SLC5A11: variants seen among roughly 807,000 people sequenced by gnomAD.
The protein encoded by SLC5A11 is sodium/myo-inositol cotransporter 2.
Under a neutral mutation model 69.8 loss-of-function variants are expected in SLC5A11, and 48 were observed. The ratio of observed to expected loss-of-function variants is 0.69; its 90% CI spans 0.55 to 0.87. The LOEUF (loss-of-function observed/expected upper bound fraction) is 0.87, where lower values mean the gene tolerates loss of function less well. SLC5A11 is among the 40% of genes least tolerant of loss of function. The pLI is 0.00. For missense variants in SLC5A11, 784 were observed against 866.1 expected (o/e 0.91, Z 1.19); for synonymous variants, 319 against 342.4 (o/e 0.93, Z 0.75).
intron 10 of SLC5A11, among the ~76,000 whole-genome samples, chr16:24,905,367 C>T (rs1265681409): frequency 6.6e-6 from 1 of 151,024 alleles, no homozygotes; most frequent in Non-Finnish European, 1.5e-5. Flanking sequence ...TCGCTTGAAC[C>T]TGGAAGAGGA....
At position 24,909,368 on chromosome 16, in the gene SLC5A11, G is replaced by A. The variant is rs115262310; in HGVS notation, c.1650+272G>A. ...TTAAGTAAACATAAGGCTGGGGTGC[G>A]GTGGCTCATGCCTGTAATCCCAGCA... On this transcript the variant is annotated intron_variant, in intron 14 of 15. Transcript: ENST00000347898. 4.3e-3 allele frequency among the ~76,000 whole-genome samples: 653 copies of A among 152,170 alleles called. 5 individuals carry two copies. The highest frequency in any genetic ancestry group is 0.014 in the African/African-American group (594 of 41,496).
chr16:24,905,640 G>GCGCGCACACA (rs1443035551), intron 10 of SLC5A11, among the ~76,000 whole-genome samples: 47 of 136,780 alleles, frequency 3.4e-4, no homozygotes, highest in African/African-American at 1.2e-3. Context: ...GCGCGCGCGC[G>GCGCGCACACA]CACACACACA....
exon 4 of SLC5A11, chr16:24,869,952 C>A (rs751499749): frequency 6.2e-7 from 1 of 1,614,172 alleles, no homozygotes; most frequent in Non-Finnish European, 8.5e-7. Context: ...TTTCATTGGC[C>A]TGGCAGGGTC....
chr16:24,906,040 T>A (rs1381500217), intron 10 of SLC5A11, among the ~76,000 whole-genome samples: 1 of 152,170 alleles, frequency 6.6e-6, no homozygotes, highest in African/African-American at 2.4e-5. Context: ...GACAAGAGAA[T>A]CTACGTATAG....
intron 3 of SLC5A11, 120 bp downstream of exon 4, chr16:24,862,792 A>G (rs548514557): frequency 1.3e-6 from 1 of 750,888 alleles, no homozygotes; most frequent in African/African-American, 1.8e-5. Context: ...GTCATTGTCT[A>G]AACTAGAGAA....
intron 13 of SLC5A11, 69 bp from the exon 15 acceptor site, chr16:24,908,812 T>TGGCTTCTTGAGGTTCCTGGAGGC: frequency 6.8e-7 from 1 of 1,478,264 alleles, no homozygotes; most frequent in Non-Finnish European, 9.2e-7. Flanking sequence ...GTCCTGGAGA[T>TGGCTTCTTGAGGTTCCTGGAGGC]GGCTTCTTGA....
intron 7 of SLC5A11, among the ~76,000 whole-genome samples, chr16:24,877,844 C>G: frequency 6.6e-6 from 1 of 152,230 alleles, no homozygotes; most frequent in East Asian, 1.9e-4. Flanking sequence ...ATTAGCCAGG[C>G]ATGATGGCCC....
At chr16:24,886,342 CAGG>C (rs1231533996) in intron 8 of SLC5A11, among the ~76,000 whole-genome samples, 2 of 151,946 alleles carry the variant, frequency 1.3e-5, no homozygotes, top group Non-Finnish European at 2.9e-5. Context: ...TGAAAACAAA[CAGG>C]AGTTCTAATA....
intron 7 of SLC5A11, 37 bp downstream of exon 8, chr16:24,877,400 G>C: frequency 6.5e-7 from 1 of 1,533,426 alleles, no homozygotes; most frequent in East Asian, 2.3e-5. Context: ...AGCAGAGGCA[G>C]TGGGCAGGGG....
In SLC5A11 at chr16:24,883,978, G is replaced by A. The variant is rs961003387; in HGVS notation, c.584-73G>A. On this transcript the variant is annotated intron_variant, in intron 7 of 15. Transcript: ENST00000347898. Reference sequence around the variant, plus strand: ...CTCCCATCGGGTCCTGGCCTTCCAGGTTCCCTTGGTGACCCAGAGTAACCC... The same window carrying A: ...CTCCCATCGGGTCCTGGCCTTCCAGATTCCCTTGGTGACCCAGAGTAACCC... The A allele has an allele frequency of 5.8e-5, 82 of 1,416,612 alleles. No individual in the cohort carries two copies. The Middle Eastern group carries it at 1.1e-3, about 19-fold the overall frequency. The allele number at this position is 1,416,612 out of a possible 1,614,324, so 87.8% of individuals were successfully genotyped here.
intron 8 of SLC5A11, among the ~76,000 whole-genome samples, chr16:24,886,593 G>T (rs75178252): frequency 2.4e-4 from 37 of 152,232 alleles, no homozygotes; most frequent in African/African-American, 7.9e-4. Flanking sequence ...TATCTAGCTA[G>T]GTGTGAAGGG....
intron 1 of SLC5A11, among the ~76,000 whole-genome samples, chr16:24,849,333 C>T (rs561615066): frequency 1.3e-5 from 2 of 151,696 alleles, no homozygotes; most frequent in South Asian, 2.1e-4. Flanking sequence ...TTTGGGAGGC[C>T]GAGGCGGGTG....
chr16:24,847,650 C>T (rs1353899835), intron 1 of SLC5A11, among the ~76,000 whole-genome samples: 1 of 152,170 alleles, frequency 6.6e-6, no homozygotes, highest in Non-Finnish European at 1.5e-5. Flanking sequence ...GCCACTGCAC[C>T]CTACCAATCA....
At chr16:24,870,191 G>A (rs1156570919) in intron 4 of SLC5A11, among the ~76,000 whole-genome samples, 186 bp downstream of exon 5, 2 of 151,794 alleles carry the variant, frequency 1.3e-5, no homozygotes, top group East Asian at 1.9e-4. Context: ...TCAGGAGTTC[G>A]AGACCAGCCT....
chr16:24,910,402 G>A lies in SLC5A11; in HGVS notation c.1747G>A (p.Gly583Arg), dbSNP rs766970924. The change falls in exon 15 of 16, where the codon GGG becomes AGG. Residue 583 changes from glycine to arginine, a missense_variant. Transcript: ENST00000347898. Reference sequence around the variant, plus strand: ...CTTGTCTCTTACCCTCTCTCAGAACGGGATGCCAGAGGCCAGCAGCAGCAG... The same window carrying A: ...CTTGTCTCTTACCCTCTCTCAGAACAGGATGCCAGAGGCCAGCAGCAGCAG... 9 of 1,614,028 alleles carry A rather than the reference G, an allele frequency of 5.6e-6. No individual in the cohort carries two copies. Among genetic ancestry groups the A allele is most frequent in the Admixed American group, 5.0e-5 (3 of 59,992 alleles).
intron 2 of SLC5A11, among the ~76,000 whole-genome samples, chr16:24,861,511 A>G (rs2152265944): frequency 6.6e-6 from 1 of 151,642 alleles, no homozygotes; most frequent in African/African-American, 2.4e-5. Flanking sequence ...AAAGGAAAGA[A>G]AGGAAGGAAG....
At chr16:24,869,025 G>C (rs1302292199) in intron 3 of SLC5A11, among the ~76,000 whole-genome samples, 1 of 151,922 alleles carries the variant, frequency 6.6e-6, no homozygotes, top group East Asian at 1.9e-4. Flanking sequence ...GTGTCACCAC[G>C]CTCAGCTAAC....
intron 4 of SLC5A11, among the ~76,000 whole-genome samples, chr16:24,871,072 G>A (rs2047267334): frequency 6.6e-6 from 1 of 152,102 alleles, no homozygotes; most frequent in Admixed American, 6.6e-5. Context: ...CCTTCATAAT[G>A]TCCAATATTT....
chr16:24,860,971 T>G (rs1392573761), intron 2 of SLC5A11, among the ~76,000 whole-genome samples: 3 of 152,078 alleles, frequency 2.0e-5, no homozygotes, highest in Non-Finnish European at 4.4e-5. Context: ...CCTCCCAAAG[T>G]GCTGGGATTA....
Sources: allele counts gnomAD v4.1 joint callset (sites outside exome capture counted in the v4.1 genomes callset), GRCh38; gene constraint gnomAD v4.1.1; transcripts MANE v1.5; gene names NCBI Gene and HGNC (gene_info 2026-07-23, HGNC 2026-07-21).